The following KIF6 variants were observed in gnomAD, a reference collection of about 807,000 sequenced individuals.
KIF6 encodes the protein kinesin family member 6.
Under a neutral mutation model 112.7 loss-of-function variants are expected in KIF6, and 106 were observed. The ratio of observed to expected loss-of-function variants is 0.94; its 90% CI spans 0.80 to 1.11. The LOEUF (loss-of-function observed/expected upper bound fraction) is 1.11, where lower values mean the gene tolerates loss of function less well. Among genes scored for constraint, KIF6 ranks in the 50% least tolerant of loss-of-function variants. The pLI is 0.00. For missense variants in KIF6, 929 were observed against 964.0 expected, an observed-to-expected ratio of 0.96 and a Z score of 0.48; for synonymous variants, 339 against 339.9, an observed-to-expected ratio of 1.00 and a Z score of 0.03.
chr6:39,343,546 A>T lies in KIF6; in HGVS notation c.2428+163T>A. On this transcript the variant is annotated intron_variant, in intron 22 of 22. Coordinates refer to ENST00000287152, the MANE Select transcript of KIF6 (RefSeq NM_145027.6). This position sits in a 1 kb window ranked among gnomAD's most constrained non-coding sequence, Gnocchi z 4.1. The stretch of plus-strand genomic sequence containing the variant: ...GATGCTGCCCCTTGAGGCTTTCTCG[A>T]GAAGGAATCAGAGGCTGGGCACATG... The T allele has an allele frequency of 7.4e-7, 1 of 1,355,704 alleles. No individual in the cohort carries two copies. Among genetic ancestry groups the T allele is most frequent in the Non-Finnish European group, 1.0e-6 (1 of 1,000,394 alleles). 84.0% of individuals were successfully genotyped at this position (1,355,704 alleles called of 1,614,324 possible).
At chr6:39,528,040 G>A (rs894799239) in intron 13 of KIF6, among the ~76,000 whole-genome samples, 3 of 152,036 alleles carry the variant, frequency 2.0e-5, no homozygotes, top group African/African-American at 7.3e-5. Context: ...TCATTATGCA[G>A]TACAATATAT....
At chr6:39,491,113 G>A (rs1263259640) in intron 13 of KIF6, among the ~76,000 whole-genome samples, 1 of 152,110 alleles carries the variant, frequency 6.6e-6, no homozygotes, top group Non-Finnish European at 1.5e-5. Flanking sequence ...GGACTCATTT[G>A]TAATCATCAG....
intron 5 of KIF6, among the ~76,000 whole-genome samples, chr6:39,621,714 G>T (rs912501022): frequency 1.3e-5 from 2 of 152,168 alleles, no homozygotes; most frequent in African/African-American, 4.8e-5. Flanking sequence ...GCAGTAAAAT[G>T]CTTTCCAAAA....
Position 39,343,799 on chromosome 6 carries a change from C to G in KIF6, c.2338G>C (p.Val780Leu). 6.2e-7 allele frequency: 1 copy of G among 1,608,774 alleles called. No homozygotes were observed. The change falls in exon 22 of 23, where the codon GTG (valine) becomes CTG (leucine). Residue 780 changes from valine to leucine, a missense_variant. By Grantham distance (32) the Val-to-Leu change is conservative. Transcript: ENST00000287152. The surrounding 1 kb of genome is among the most constrained non-coding windows in gnomAD (Gnocchi z 4.1). ...TCTCCGGTGAGAGGGATGGACGACA[C>G]TGGCCTCTTGGGGATGCTGGAGGCA... ...PLEDSIPKRP[V>L]SSIPLTGDSQ...
intron 3 of KIF6, among the ~76,000 whole-genome samples, chr6:39,657,833 C>T (rs1247474297): frequency 6.6e-6 from 1 of 152,162 alleles, no homozygotes; most frequent in East Asian, 1.9e-4. Context: ...TTCTCCTTGG[C>T]AGATATGAAC....
At position 39,444,186 on chromosome 6, in the gene KIF6, G is replaced by A. The variant is rs1280256089; in HGVS notation, c.1646-13025C>T. ...GTGACTCCAAGTCAACAGTTAGTAA[G>A]TGGCAAAGCCATAACTATACCCTAG... On this transcript the variant is annotated intron_variant, in intron 13 of 22. Transcript: ENST00000287152. Among the ~76,000 whole-genome samples, 2 of 152,178 alleles carry A rather than the reference G, an allele frequency of 1.3e-5. 1 individual carries two copies. Among genetic ancestry groups the A allele is most frequent in the Middle Eastern group, 6.3e-3 (2 of 316 alleles).
chr6:39,474,445 A>G, intron 13 of KIF6, among the ~76,000 whole-genome samples: 1 of 152,240 alleles, frequency 6.6e-6, no homozygotes, highest in Non-Finnish European at 1.5e-5. Flanking sequence ...AGGTCTGTTT[A>G]ATTGCAGGTA....
In KIF6 at chr6:39,570,717, A is replaced by G. The variant is rs909904925; in HGVS notation, c.1181+7339T>C. Among the ~76,000 whole-genome samples the G allele has an allele frequency of 4.6e-5, 7 of 152,196 alleles. No homozygotes were observed. The South Asian group carries it at 1.5e-3, about 32-fold the overall frequency. On this transcript the variant is annotated intron_variant, in intron 10 of 22. Transcript: ENST00000287152. ...AGTTCTCACGAGATCTGATGGTTTT[A>G]TAAGAGGCTTTTCCACTTTTGCTGG...
intron 3 of KIF6, among the ~76,000 whole-genome samples, chr6:39,673,438 A>C (rs2150835263): frequency 6.6e-6 from 1 of 152,324 alleles, no homozygotes; most frequent in South Asian, 2.1e-4. Context: ...TACATATGTA[A>C]ATAATTAAAA....
At chr6:39,697,198 A>G (rs1788592565) in intron 3 of KIF6, among the ~76,000 whole-genome samples, 1 of 152,114 alleles carries the variant, frequency 6.6e-6, no homozygotes, top group African/African-American at 2.4e-5. Context: ...AATGGTGCAG[A>G]TAGGACTGAC....
intron 13 of KIF6, among the ~76,000 whole-genome samples, chr6:39,474,695 G>A (rs1307699995): frequency 1.3e-5 from 2 of 152,260 alleles, no homozygotes; most frequent in Admixed American, 6.5e-5. Flanking sequence ...GGAACTCTGG[G>A]TATGTGGCAG....
chr6:39,369,678 G>A (rs1254247327), intron 16 of KIF6, among the ~76,000 whole-genome samples: 2 of 152,182 alleles, frequency 1.3e-5, no homozygotes, highest in East Asian at 1.9e-4. Flanking sequence ...GAGGCAGACT[G>A]TAAAGTCAGA....
intron 1 of KIF6, among the ~76,000 whole-genome samples, chr6:39,723,701 G>A (rs375466023): frequency 6.6e-6 from 1 of 152,174 alleles, no homozygotes. Context: ...CAATGAGAAC[G>A]CATGCACACA....
At chr6:39,377,037 C>G (rs572317069) in intron 16 of KIF6, among the ~76,000 whole-genome samples, 68 of 152,214 alleles carry the variant, frequency 4.5e-4, no homozygotes, top group Non-Finnish European at 7.6e-4. Context: ...GACCACTGGG[C>G]TAGAGGATGC....
At chr6:39,562,535 C>A (rs1561812915) in intron 10 of KIF6, among the ~76,000 whole-genome samples, 2 of 152,146 alleles carry the variant, frequency 1.3e-5, no homozygotes, top group Non-Finnish European at 2.9e-5. Context: ...ACATAAACTC[C>A]TTAGAAGAAG....
At chr6:39,405,568 T>C (rs1489499856) in intron 15 of KIF6, among the ~76,000 whole-genome samples, 1 of 152,200 alleles carries the variant, frequency 6.6e-6, no homozygotes, top group Non-Finnish European at 1.5e-5. Flanking sequence ...CCTCACTTGG[T>C]CATGGTATAT....
intron 3 of KIF6, among the ~76,000 whole-genome samples, chr6:39,662,239 T>G (rs966532681): frequency 2.0e-5 from 3 of 152,236 alleles, no homozygotes; most frequent in Non-Finnish European, 2.9e-5. Context: ...TAAGAGAGGC[T>G]GATTTACTAT....
chr6:39,362,102 C>T (rs1485390876), intron 17 of KIF6, among the ~76,000 whole-genome samples: 2 of 152,098 alleles, frequency 1.3e-5, no homozygotes, highest in Admixed American at 6.5e-5. Flanking sequence ...GAGAGTATGA[C>T]GTTCTCAGGA....
At chr6:39,463,009 G>A (rs1426471812) in intron 13 of KIF6, among the ~76,000 whole-genome samples, 1 of 152,160 alleles carries the variant, frequency 6.6e-6, no homozygotes, top group Non-Finnish European at 1.5e-5. Context: ...CAAATAGAAT[G>A]TCTTCAGCCT....
Sources: gnomAD v4.1 joint callset for allele counts (sites outside exome capture counted in the v4.1 genomes callset) on GRCh38, gnomAD v4.1.1 for gene constraint, Gnocchi (gnomAD v3.1) non-coding constraint, MANE v1.5 for transcripts, NCBI Gene and HGNC (gene_info 2026-07-23, HGNC 2026-07-21) for gene names.